Variants in GPC4 observed in about 807,000 individuals in gnomAD.
GPC4 encodes the protein glypican 4.
In GPC4, 10 loss-of-function variants were observed where a neutral mutation model predicts 35.0. That is an observed-to-expected ratio of 0.29 (90% CI 0.18 to 0.48). The LOEUF is 0.48. GPC4 is among the 20% of genes least tolerant of loss of function. GPC4 has a pLI of 0.99. For synonymous variants in GPC4, 167 were observed against 170.2 expected, an observed-to-expected ratio of 0.98 and a Z score of 0.15; for missense variants, 322 against 451.3, an observed-to-expected ratio of 0.71 and a Z score of 2.60.
intron 3 of GPC4, among the ~76,000 whole-genome samples, chrX:133,312,217 G>C (rs920450855): frequency 9.9e-5 from 11 of 111,264 alleles, no homozygotes; most frequent in African/African-American, 3.3e-4. Context: ...ACCTGTAGGA[G>C]AGTACAGGAC....
intron 1 of GPC4, among the ~76,000 whole-genome samples, chrX:133,368,147 T>C (rs1351651360): frequency 8.9e-6 from 1 of 112,128 alleles, no homozygotes; most frequent in East Asian, 2.8e-4. Context: ...AAATTATCTA[T>C]TTGCTGAGAT....
intron 2 of GPC4, among the ~76,000 whole-genome samples, chrX:133,338,441 T>A (rs969898632): frequency 1.8e-5 from 2 of 112,122 alleles, no homozygotes; most frequent in African/African-American, 6.5e-5. Context: ...TGTTTTGGAC[T>A]CCATATTCTA....
chrX:133,303,088 G>T lies in GPC4; in HGVS notation c.1469-19C>A. On this transcript the variant is annotated intron_variant, in intron 8 of 8. Transcript: ENST00000370828. ...TCATCACCTAGTTTAAAAAAAAATG[G>T]AATAGAAATTTCATTCCACTTGTTC... 3.3e-6 allele frequency: 4 copies of T among 1,208,002 alleles called. No homozygotes were observed. The highest frequency in any genetic ancestry group is 1.7e-5 in the African/African-American group (1 of 57,684).
At chrX:133,383,993 AC>A (rs1439366290) in intron 1 of GPC4, among the ~76,000 whole-genome samples, 2 of 111,850 alleles carry the variant, frequency 1.8e-5, no homozygotes, top group East Asian at 5.6e-4. Flanking sequence ...GGTAGAAGGT[AC>A]ATGAAAACTC....
chrX:133,328,369 G>C (rs11096366), intron 2 of GPC4, among the ~76,000 whole-genome samples: 2 of 109,810 alleles, frequency 1.8e-5, no homozygotes, highest in Admixed American at 2.0e-4. Context: ...CATAGCAATT[G>C]GGTACAATAT....
chrX:133,306,279 G>T, intron 4 of GPC4, 125 bp from the exon 5 acceptor site: 1 of 716,062 alleles, frequency 1.4e-6, no homozygotes, highest in Non-Finnish European at 2.1e-6. Context: ...AGTAAGGCAT[G>T]GATCATAATG....
intron 1 of GPC4, among the ~76,000 whole-genome samples, chrX:133,350,382 G>T (rs1338970185): frequency 2.7e-5 from 3 of 110,461 alleles, no homozygotes. Context: ...AATTAGCCAG[G>T]CATGGTGGCG....
At chrX:133,353,758 A>AG (rs1245888879) in intron 1 of GPC4, among the ~76,000 whole-genome samples, 1 of 110,916 alleles carries the variant, frequency 9.0e-6, no homozygotes, top group Non-Finnish European at 1.9e-5. Context: ...GGAGAAAGGG[A>AG]GAAAAAAAAG....
At chrX:133,369,825 G>T (rs2068604736) in intron 1 of GPC4, among the ~76,000 whole-genome samples, 1 of 110,971 alleles carries the variant, frequency 9.0e-6, no homozygotes. Context: ...AAGGAATCTG[G>T]AGTTGAGTAC....
At chrX:133,344,558 A>G (rs2068484236) in intron 1 of GPC4, among the ~76,000 whole-genome samples, 1 of 110,182 alleles carries the variant, frequency 9.1e-6, no homozygotes, top group Non-Finnish European at 1.9e-5. Flanking sequence ...ACCATTTTCT[A>G]TATCTCTCTC....
At chrX:133,358,871 C>T (rs1023478696) in intron 1 of GPC4, among the ~76,000 whole-genome samples, 2 of 111,092 alleles carry the variant, frequency 1.8e-5, no homozygotes, top group Non-Finnish European at 3.8e-5. Context: ...CCATTATCCT[C>T]TTACATTTGT....
At chrX:133,399,034 G>A (rs2068756907) in intron 1 of GPC4, among the ~76,000 whole-genome samples, 1 of 110,891 alleles carries the variant, frequency 9.0e-6, no homozygotes, top group Non-Finnish European at 1.9e-5. Context: ...CTGCCCACTC[G>A]GTCACCATTG....
At chrX:133,347,234 CTCT>C (rs1417448366) in intron 1 of GPC4, among the ~76,000 whole-genome samples, 2 of 80,487 alleles carry the variant, frequency 2.5e-5, no homozygotes, top group Non-Finnish European at 4.4e-5. Context: ...AAATCTAAAA[CTCT>C]TCTATTAGAA....
chrX:133,336,668 G>C (rs1238606583), intron 2 of GPC4, among the ~76,000 whole-genome samples: 1 of 111,011 alleles, frequency 9.0e-6, no homozygotes, highest in East Asian at 2.8e-4. Context: ...TGGAGAAAAT[G>C]TGCAAAGTAT....
Position 133,380,969 on chromosome X carries a change from C to T in GPC4, c.160+33837G>A, listed in dbSNP as rs1331746421. 5.4e-5 allele frequency among the ~76,000 whole-genome samples: 6 copies of T among 112,084 alleles called. No individual in the cohort carries two copies. In the East Asian group the frequency reaches 1.7e-3, roughly 31 times the overall value. ...TTCTAGAGCTCAGCCCTGGCGGATG[C>T]CTCATCCACACCAGCAATTTTTAGT... On this transcript the variant is annotated intron_variant, in intron 1 of 8. Transcript: ENST00000370828.
At chrX:133,360,839 C>T (rs2068564183) in intron 1 of GPC4, among the ~76,000 whole-genome samples, 1 of 111,717 alleles carries the variant, frequency 9.0e-6, no homozygotes, top group South Asian at 3.8e-4. Context: ...CTTCAAAGAG[C>T]CCTAAGGACA....
At chrX:133,403,380 G>A (rs942991224) in intron 1 of GPC4, among the ~76,000 whole-genome samples, 3 of 110,792 alleles carry the variant, frequency 2.7e-5, no homozygotes, top group African/African-American at 6.6e-5. Context: ...TCTTCTCACC[G>A]TAATTTCATG....
intron 4 of GPC4, among the ~76,000 whole-genome samples, chrX:133,307,517 A>C (rs1233484416): frequency 1.8e-5 from 2 of 112,169 alleles, no homozygotes; most frequent in East Asian, 5.6e-4. Flanking sequence ...GGTAAGCGCC[A>C]ATCAAGTGAT....
intron 1 of GPC4, among the ~76,000 whole-genome samples, chrX:133,351,752 G>A (rs769844572): frequency 1.2e-4 from 13 of 111,403 alleles, no homozygotes; most frequent in African/African-American, 1.6e-4. Flanking sequence ...TTACCACTTC[G>A]TGAACTAGTT....
Sources: gnomAD v4.1 joint callset for allele counts (sites outside exome capture counted in the v4.1 genomes callset) on GRCh38, gnomAD v4.1.1 for gene constraint, MANE v1.5 for transcripts, NCBI Gene and HGNC (gene_info 2026-07-23, HGNC 2026-07-21) for gene names.